The following BFSP2 variants were observed in gnomAD, a reference collection of about 807,000 sequenced individuals.
BFSP2 encodes the protein phakinin.
Under a neutral mutation model 44.9 loss-of-function variants are expected in BFSP2, and 38 were observed. That is an observed-to-expected ratio of 0.85 (90% confidence interval 0.65 to 1.11). The LOEUF (loss-of-function observed/expected upper bound fraction) is 1.11. Among genes scored for constraint, BFSP2 ranks in the 50% least tolerant of loss-of-function variants. BFSP2 has a pLI of 0.00. For synonymous variants in BFSP2, 197 were observed against 209.9 expected (o/e 0.94, Z 0.53); for missense variants, 525 against 533.0 (o/e 0.99, Z 0.15).
At chr3:133,454,615 T>C (rs895206587) in intron 4 of BFSP2, among the ~76,000 whole-genome samples, 1 of 152,108 alleles carries the variant, frequency 6.6e-6, no homozygotes, top group African/African-American at 2.4e-5. Flanking sequence ...GAGGGATAAG[T>C]AGATAGTTTG....
chr3:133,471,418 A>T (rs553323736), intron 5 of BFSP2, among the ~76,000 whole-genome samples: 2 of 152,364 alleles, frequency 1.3e-5, no homozygotes, highest in Admixed American at 1.3e-4. Flanking sequence ...GCAGGAACAC[A>T]TCTTTCCCTG....
chr3:133,447,514 C>A, intron 2 of BFSP2, 115 bp downstream of exon 2: 1 of 1,058,170 alleles, frequency 9.5e-7, no homozygotes, highest in Non-Finnish European at 1.4e-6. Context: ...GGGAAGCTGG[C>A]AGGATAACAG....
rs1176313165 is a variant in BFSP2 at position 133,400,966 on chromosome 3, C to T, written c.489+394C>T. On this transcript the variant is annotated intron_variant, in intron 1 of 6. Transcript: ENST00000302334. This position sits in a 1 kb window ranked among gnomAD's most constrained non-coding sequence, Gnocchi z 4.0. ...TTGCCCCATTACCCTGGGGCTGCCT[C>T]AGTCACCTTTACTGTTGAGAAGGGA... Among the ~76,000 whole-genome samples the T allele has an allele frequency of 1.3e-5, 2 of 152,196 alleles. No individual in the cohort carries two copies. Among genetic ancestry groups the T allele is most frequent in the African/African-American group, 4.8e-5 (2 of 41,444 alleles).
chr3:133,459,071 GGCTTATGCCTGTAATCCTGGT>G (rs1299474059), intron 4 of BFSP2, among the ~76,000 whole-genome samples: 1 of 152,190 alleles, frequency 6.6e-6, no homozygotes, highest in Non-Finnish European at 1.5e-5. Flanking sequence ...CAGGCACAGT[GGCTTATGCCTGTAATCCTGGT>G]GCTTTGGAAT....
At chr3:133,409,451 G>A (rs1374436271) in intron 1 of BFSP2, among the ~76,000 whole-genome samples, 1 of 152,062 alleles carries the variant, frequency 6.6e-6, no homozygotes, top group Non-Finnish European at 1.5e-5. Context: ...CTATTTCCAA[G>A]TCTGACCACT....
chr3:133,473,412 C>T (rs1040607188), intron 6 of BFSP2, among the ~76,000 whole-genome samples: 4 of 122,970 alleles, frequency 3.3e-5, no homozygotes, highest in Admixed American at 1.1e-4. Flanking sequence ...CATTCCTGGC[C>T]GGAAGTGGGA....
At chr3:133,454,939 A>G (rs1277730318) in intron 4 of BFSP2, among the ~76,000 whole-genome samples, 1 of 152,150 alleles carries the variant, frequency 6.6e-6, no homozygotes, top group Non-Finnish European at 1.5e-5. Flanking sequence ...ATACATACAC[A>G]TTAGCCTAGG....
chr3:133,425,876 A>AGCTCTTCCTTGTCAGATATT, intron 1 of BFSP2, among the ~76,000 whole-genome samples: 1 of 102,490 alleles, frequency 9.8e-6, no homozygotes, highest in Non-Finnish European at 1.9e-5. Flanking sequence ...AGGGAAATAA[A>AGCTCTTCCTTGTCAGATATT]GAAGGGAAGG....
intron 4 of BFSP2, among the ~76,000 whole-genome samples, chr3:133,461,088 C>T (rs1043327171): frequency 6.6e-5 from 10 of 152,296 alleles, no homozygotes; most frequent in African/African-American, 1.9e-4. Flanking sequence ...GCAAAGGTAG[C>T]GTTTCTGTCA....
chr3:133,416,959 C>T (rs1264718447), intron 1 of BFSP2, among the ~76,000 whole-genome samples: 1 of 142,904 alleles, frequency 7.0e-6, no homozygotes, highest in Non-Finnish European at 1.5e-5. Context: ...CCTCTCCCCT[C>T]TACTCACCCT....
At position 133,466,405 on chromosome 3, in the gene BFSP2, C is replaced by T. The variant is rs554768373; in HGVS notation, c.892-423C>T. On this transcript the variant is annotated intron_variant, in intron 4 of 6. Coordinates refer to ENST00000302334, the MANE Select transcript of BFSP2 (RefSeq NM_003571.4). ...AAAAAAAAAGACATTTCCAGCCAGGCGTGGTGGCTCACGCCTGTAATCCTA... is the reference window on the plus strand; with the variant it reads ...AAAAAAAAAGACATTTCCAGCCAGGTGTGGTGGCTCACGCCTGTAATCCTA... Among the ~76,000 whole-genome samples, 4 of 151,724 alleles carry T rather than the reference C, an allele frequency of 2.6e-5. No homozygotes were observed. In the South Asian group the frequency reaches 6.3e-4, roughly 24 times the overall value.
rs886058012 is a variant in BFSP2 at position 133,448,638 on chromosome 3, A to G, written c.722A>G (p.Tyr241Cys). 2 of 1,613,404 alleles carry G rather than the reference A, an allele frequency of 1.2e-6. No individual in the cohort carries two copies. The highest frequency in any genetic ancestry group is 1.1e-5 in the South Asian group (1 of 91,008). ...GAACTTGGCTCTCTATCAAGAAACT[A>G]TGAAGAGGTAGGAGGGGGCTGGGGT... The part of the protein sequence containing the change: ...KEELGSLSRN[Y>C]EEDVKLLHKQ... Residue 241 changes from tyrosine (Y) to cysteine (C), a missense_variant, in exon 3 of 7, where the codon TAT becomes TGT. Tyr to Cys is a radical substitution (Grantham distance 194, BLOSUM62 -2). Coordinates refer to ENST00000302334, the MANE Select transcript of BFSP2 (RefSeq NM_003571.4).
At chr3:133,458,738 C>T (rs930726460) in intron 4 of BFSP2, among the ~76,000 whole-genome samples, 17 of 151,454 alleles carry the variant, frequency 1.1e-4, no homozygotes, top group African/African-American at 3.2e-4. Flanking sequence ...CATTGTAGAG[C>T]GCTCTCTCAG....
At chr3:133,437,550 C>CA (rs2073800856) in intron 1 of BFSP2, among the ~76,000 whole-genome samples, 1 of 117,558 alleles carries the variant, frequency 8.5e-6, no homozygotes. Flanking sequence ...AAACAAAAAC[C>CA]AAAAAAATGA....
At chr3:133,431,360 C>T (rs1171373773) in intron 1 of BFSP2, among the ~76,000 whole-genome samples, 134 of 152,314 alleles carry the variant, frequency 8.8e-4, no homozygotes, top group African/African-American at 3.0e-3. Context: ...TGAACCGCAG[C>T]AGCCAGGCGT....
At chr3:133,430,869 G>A (rs1055679721) in intron 1 of BFSP2, among the ~76,000 whole-genome samples, 16 of 151,920 alleles carry the variant, frequency 1.1e-4, no homozygotes, top group East Asian at 3.9e-4. Flanking sequence ...ACCCTGGTCC[G>A]CTCCTTTTAT....
chr3:133,432,768 A>G (rs1399713990), intron 1 of BFSP2, among the ~76,000 whole-genome samples: 1 of 152,126 alleles, frequency 6.6e-6, no homozygotes, highest in African/African-American at 2.4e-5. Flanking sequence ...GTGTCCGACT[A>G]ATCTCTCAAA....
intron 1 of BFSP2, among the ~76,000 whole-genome samples, chr3:133,444,226 A>C (rs1027809366): frequency 6.6e-6 from 1 of 152,124 alleles, no homozygotes; most frequent in African/African-American, 2.4e-5. Flanking sequence ...AATTCATTCG[A>C]CATTCATTGA....
At chr3:133,466,551 C>T (rs1442624871) in intron 4 of BFSP2, among the ~76,000 whole-genome samples, 2 of 151,290 alleles carry the variant, frequency 1.3e-5, no homozygotes, top group Non-Finnish European at 2.9e-5. Context: ...GGCCTGGTGG[C>T]GGGTACCTGT....
Sources: allele counts gnomAD v4.1 joint callset (sites outside exome capture counted in the v4.1 genomes callset), GRCh38; gene constraint gnomAD v4.1.1; non-coding constraint Gnocchi (gnomAD v3.1); transcripts MANE v1.5; gene names NCBI Gene and HGNC (gene_info 2026-07-23, HGNC 2026-07-21).